PFKFB3: variants seen among roughly 807,000 people sequenced by gnomAD.
PFKFB3 encodes the protein 6-phosphofructo-2-kinase/fructose-2,6-bisphosphatase 3.
Under a neutral mutation model 68.0 loss-of-function variants are expected in PFKFB3, and 33 were observed. The ratio of observed to expected loss-of-function variants is 0.49; its 90% CI spans 0.37 to 0.65. The LOEUF is 0.65. Ranked by LOEUF, PFKFB3 falls within the 30% of genes least tolerant of loss-of-function variation. The pLI, the probability that PFKFB3 is intolerant of heterozygous loss-of-function variation, is 0.00. For missense variants in PFKFB3, 586 were observed against 712.2 expected, an observed-to-expected ratio of 0.82 and a Z score of 2.02; for synonymous variants, 315 against 288.2, an observed-to-expected ratio of 1.09 and a Z score of -0.94.
chr10:6,250,299 C>T (rs1489020009), intron 14 of PFKFB3, among the ~76,000 whole-genome samples: 1 of 152,142 alleles, frequency 6.6e-6, no homozygotes, highest in Admixed American at 6.5e-5. Flanking sequence ...GGCGCAGTGG[C>T]TTACTCCTGT....
intron 1 of PFKFB3, among the ~76,000 whole-genome samples, chr10:6,152,461 C>T (rs1419329409): frequency 6.6e-6 from 1 of 152,142 alleles, no homozygotes; most frequent in Non-Finnish European, 1.5e-5. Context: ...GGGTGGAAGG[C>T]ATCACGATAA....
intron 1 of PFKFB3, among the ~76,000 whole-genome samples, chr10:6,203,594 G>T (rs767636836): frequency 6.6e-6 from 1 of 151,668 alleles, no homozygotes; most frequent in African/African-American, 2.4e-5. Flanking sequence ...ACGGAGGGAC[G>T]CGCGCGCCTG....
At chr10:6,259,889 A>G in the PFKFB3 span, among the ~76,000 whole-genome samples, 1 of 152,198 alleles carries the variant, frequency 6.6e-6, no homozygotes, top group Non-Finnish European at 1.5e-5. Context: ...TCAGATAGTA[A>G]TATCCATTAT....
intron 14 of PFKFB3, among the ~76,000 whole-genome samples, chr10:6,249,009 A>C (rs892495185): frequency 6.6e-6 from 1 of 152,044 alleles, no homozygotes; most frequent in African/African-American, 2.4e-5. Context: ...CCCTGTCTCT[A>C]CTACAAAACA....
chr10:6,162,712 AC>A (rs1355785927), intron 1 of PFKFB3, among the ~76,000 whole-genome samples: 3 of 152,142 alleles, frequency 2.0e-5, no homozygotes, highest in Non-Finnish European at 4.4e-5. Context: ...TTGGGTGAGA[AC>A]CCTTTCAGGC....
the PFKFB3 span, among the ~76,000 whole-genome samples, chr10:6,290,151 C>T: frequency 3.3e-5 from 5 of 152,096 alleles, no homozygotes; most frequent in Non-Finnish European, 5.9e-5. Flanking sequence ...CATCTGCAAA[C>T]AGGGACAATT....
At chr10:6,254,571 G>A (rs1157776958) in exon 15 of PFKFB3, 1 of 385,720 alleles carries the variant, frequency 2.6e-6, no homozygotes, top group Admixed American at 4.5e-5. Flanking sequence ...AGTGGAAATA[G>A]TGCTTCGAGT....
At chr10:6,312,030 C>CA in the PFKFB3 span, among the ~76,000 whole-genome samples, 2 of 152,088 alleles carry the variant, frequency 1.3e-5, no homozygotes. Flanking sequence ...GAATAAGTGC[C>CA]AAATGATGAA....
At chr10:6,289,218 A>G in the PFKFB3 span, among the ~76,000 whole-genome samples, 1 of 141,836 alleles carries the variant, frequency 7.1e-6, no homozygotes, top group Non-Finnish European at 1.5e-5. Flanking sequence ...ATTAGATCTC[A>G]TTTGTCAATT....
chr10:6,309,037 TA>T, the PFKFB3 span, among the ~76,000 whole-genome samples: 2 of 151,414 alleles, frequency 1.3e-5, no homozygotes, highest in Non-Finnish European at 2.9e-5. Context: ...ACTGCACAAA[TA>T]AAAAAAAGAG....
chr10:6,176,370 G>A (rs1488940235), intron 1 of PFKFB3, among the ~76,000 whole-genome samples: 2 of 152,124 alleles, frequency 1.3e-5, no homozygotes, highest in African/African-American at 2.4e-5. Flanking sequence ...GAGGATCGTC[G>A]AGCTGTGCAT....
At chr10:6,225,676 C>T (rs1845293363) in intron 13 of PFKFB3, among the ~76,000 whole-genome samples, 1 of 151,794 alleles carries the variant, frequency 6.6e-6, no homozygotes, top group South Asian at 2.1e-4. Context: ...GGTCTCCAGG[C>T]TTGTTTTGCA....
chr10:6,234,162 CG>C lies in PFKFB3; in HGVS notation c.*1226del, dbSNP rs1015369218. The C allele has an allele frequency of 1.3e-5, 2 of 152,406 alleles. No individual in the cohort carries two copies. The highest frequency in any genetic ancestry group is 2.9e-5 in the Non-Finnish European group (2 of 68,110). The allele number at this position is 152,406 out of a possible 1,614,324, so 9.4% of individuals were successfully genotyped here. A position where few individuals can be genotyped will look rare whatever the true frequency, so the allele number is the denominator to read the frequency against. On this transcript the variant is annotated 3_prime_UTR_variant, in exon 15 of 15. Coordinates refer to ENST00000379775, the MANE Select transcript of PFKFB3 (RefSeq NM_004566.4). ...GCCTCAAACCCTGGGGTAGGTGGGA[CG>C]GGGGGTCTCGTGCCCAGATGAAACC... is the stretch of plus-strand genomic sequence containing the variant.
chr10:6,220,652 C>G lies in PFKFB3; in HGVS notation c.624-6C>G, dbSNP rs1249745805. ...AGCTGTGGTTCTCGGTGGGGTCTCT[C>G]TGCAGGGACTTGTCGCTGATCAAGG... On this transcript the variant is annotated splice_polypyrimidine_tract_variant and splice_region_variant and intron_variant, in intron 7 of 14. Coordinates refer to ENST00000379775, the MANE Select transcript of PFKFB3 (RefSeq NM_004566.4). This position sits in a 1 kb window ranked among gnomAD's most constrained non-coding sequence, Gnocchi z 4.1. The G allele has an allele frequency of 5.0e-6, 8 of 1,612,258 alleles. No individual in the cohort carries two copies. The highest frequency in any genetic ancestry group is 1.3e-5 in the African/African-American group (1 of 74,446).
chr10:6,306,108 ATGGCAGCCTCAAACTCC>A, the PFKFB3 span, among the ~76,000 whole-genome samples: 3 of 152,276 alleles, frequency 2.0e-5, no homozygotes, highest in East Asian at 3.9e-4. Context: ...ATCAGTGCTC[ATGGCAGCCTCAAACTCC>A]TGGGCTTAAG....
chr10:6,236,202 T>G (rs1257956924), downstream of PFKFB3, among the ~76,000 whole-genome samples: 2 of 152,226 alleles, frequency 1.3e-5, no homozygotes, highest in Admixed American at 1.3e-4. Flanking sequence ...TCTCCTGGCT[T>G]CTTCCATGTT....
At chr10:6,188,059 A>C (rs1280115987) in intron 1 of PFKFB3, among the ~76,000 whole-genome samples, 2 of 151,932 alleles carry the variant, frequency 1.3e-5, no homozygotes, top group Non-Finnish European at 2.9e-5. Flanking sequence ...ATTTATATGG[A>C]TATATGTGTG....
the PFKFB3 span, among the ~76,000 whole-genome samples, chr10:6,304,130 T>C: frequency 6.6e-6 from 1 of 152,214 alleles, no homozygotes; most frequent in Middle Eastern, 3.2e-3. Flanking sequence ...AAGTGAAGAA[T>C]CCTTGTTAAA....
chr10:6,158,052 G>A lies in PFKFB3; in HGVS notation c.16+13039G>A, dbSNP rs540280279. On this transcript the variant is annotated intron_variant, in intron 1 of 14. Transcript: ENST00000379789. ...TGTAATCCCAGCACTTTGGGAAGTCGAGACGGGTGGATCACGAGGTCAGGA... is the reference window on the plus strand; with the variant it reads ...TGTAATCCCAGCACTTTGGGAAGTCAAGACGGGTGGATCACGAGGTCAGGA... Among the ~76,000 whole-genome samples the A allele has an allele frequency of 1.2e-3, 175 of 151,756 alleles. 1 individual carries two copies. Among genetic ancestry groups the A allele is most frequent in the African/African-American group, 4.0e-3 (167 of 41,340 alleles).
Sources: allele counts gnomAD v4.1 joint callset (sites outside exome capture counted in the v4.1 genomes callset), GRCh38; gene constraint gnomAD v4.1.1; non-coding constraint Gnocchi (gnomAD v3.1); transcripts MANE v1.5; gene names NCBI Gene and HGNC (gene_info 2026-07-23, HGNC 2026-07-21).